The following RIMS2 variants were observed in gnomAD, a reference collection of about 807,000 sequenced individuals.
RIMS2 encodes the protein regulating synaptic membrane exocytosis 2, also known as regulating synaptic membrane exocytosis protein 2.
A neutral mutation model predicts 174.4 loss-of-function variants in RIMS2; 59 were observed. The ratio of observed to expected loss-of-function variants is 0.34; its 90% CI spans 0.27 to 0.42. The LOEUF (loss-of-function observed/expected upper bound fraction) is 0.42, where lower values mean the gene tolerates loss of function less well. Ranked by LOEUF, RIMS2 falls within the 10% of genes least tolerant of loss-of-function variation. The pLI is 1.00. For missense variants in RIMS2, 1,620 were observed against 1,666.3 expected (o/e 0.97, Z 0.48); for synonymous variants, 606 against 572.5 (o/e 1.06, Z -0.84).
Position 103,910,505 on chromosome 8 carries a change from C to G in RIMS2, c.1692+304C>G, listed in dbSNP as rs200020449. Reference sequence around the variant, plus strand: ...ATACGTGTAGTAGCACAACCCTTAACGAGGAGCATAGCCATAGTGATAAGG... The same window carrying G: ...ATACGTGTAGTAGCACAACCCTTAAGGAGGAGCATAGCCATAGTGATAAGG... On this transcript the variant is annotated intron_variant, in intron 5 of 23. Coordinates refer to ENST00000504942, the Ensembl canonical transcript of RIMS2. 4 of 1,594,716 alleles carry G rather than the reference C, an allele frequency of 2.5e-6. No homozygotes were observed. The Admixed American group carries it at 6.7e-5, about 27-fold the overall frequency.
At chr8:103,635,165 G>C (rs115163735) in intron 1 of RIMS2, among the ~76,000 whole-genome samples, 18,851 of 152,176 alleles carry the variant, frequency 0.12, 1,251 homozygotes, top group Middle Eastern at 0.22. Context: ...AGTAACAGTG[G>C]TCTTTGTGTT....
intron 4 of RIMS2, among the ~76,000 whole-genome samples, chr8:103,889,639 A>AT (rs150216345): frequency 1.4e-4 from 21 of 150,806 alleles, no homozygotes; most frequent in African/African-American, 4.1e-4. Context: ...ACTCTACCTA[A>AT]TTTTTTTTTC....
intron 1 of RIMS2, among the ~76,000 whole-genome samples, chr8:103,609,525 G>T (rs550099906): frequency 3.3e-5 from 5 of 152,112 alleles, no homozygotes; most frequent in African/African-American, 9.7e-5. Flanking sequence ...TTGAGTTCCT[G>T]TTTGGATATG....
intron 17 of RIMS2, among the ~76,000 whole-genome samples, chr8:104,009,709 GATGTCAGCTTTAT>G (rs1216650105): frequency 1.1e-4 from 16 of 152,160 alleles, no homozygotes; most frequent in African/African-American, 3.9e-4. Context: ...TTAAATTTAA[GATGTCAGCTTTAT>G]AAAGGAAAAG....
intron 14 of RIMS2, among the ~76,000 whole-genome samples, chr8:103,947,548 A>C (rs2084103738): frequency 6.6e-6 from 1 of 152,238 alleles, no homozygotes; most frequent in South Asian, 2.1e-4. Flanking sequence ...CGCAATGATA[A>C]GTATTTGTTT....
intron 19 of RIMS2, among the ~76,000 whole-genome samples, chr8:104,034,244 C>A (rs1435376264): frequency 6.6e-6 from 1 of 152,010 alleles, no homozygotes; most frequent in Non-Finnish European, 1.5e-5. Flanking sequence ...TGTTTACTAG[C>A]AATACAAATA....
chr8:103,636,427 C>T (rs2096074847), intron 1 of RIMS2, among the ~76,000 whole-genome samples: 1 of 152,054 alleles, frequency 6.6e-6, no homozygotes, highest in Admixed American at 6.5e-5. Context: ...AGACTGAAGG[C>T]CCTGGTTGAG....
chr8:103,872,483 G>A (rs1411419456), intron 3 of RIMS2, among the ~76,000 whole-genome samples: 1 of 152,140 alleles, frequency 6.6e-6, no homozygotes, highest in Non-Finnish European at 1.5e-5. Context: ...ATAACCACAT[G>A]CTTAAATAAA....
chr8:103,658,067 T>A (rs780507424), intron 1 of RIMS2, among the ~76,000 whole-genome samples: 3 of 152,196 alleles, frequency 2.0e-5, no homozygotes, highest in African/African-American at 4.8e-5. Flanking sequence ...AGGATCAAGG[T>A]CTAATTTTTA....
At chr8:103,787,963 C>A (rs1301534423) in intron 3 of RIMS2, among the ~76,000 whole-genome samples, 1 of 152,094 alleles carries the variant, frequency 6.6e-6, no homozygotes, top group Non-Finnish European at 1.5e-5. Context: ...GGAGGCTTTG[C>A]TCATTTCTTT....
intron 1 of RIMS2, among the ~76,000 whole-genome samples, chr8:103,619,729 C>T (rs1316050011): frequency 6.6e-6 from 1 of 152,056 alleles, no homozygotes; most frequent in Non-Finnish European, 1.5e-5. Context: ...TTTCTCGCTT[C>T]CTTCACCTCT....
At chr8:104,161,199 T>C (rs2098758642) in intron 19 of RIMS2, among the ~76,000 whole-genome samples, 1 of 152,182 alleles carries the variant, frequency 6.6e-6, no homozygotes, top group African/African-American at 2.4e-5. Context: ...TATATTGTCA[T>C]TAATGTAATA....
At chr8:103,857,454 T>G (rs2154495528) in intron 3 of RIMS2, among the ~76,000 whole-genome samples, 1 of 152,240 alleles carries the variant, frequency 6.6e-6, no homozygotes, top group East Asian at 1.9e-4. Context: ...ATATTTAATA[T>G]TGTATTTATT....
intron 1 of RIMS2, among the ~76,000 whole-genome samples, chr8:103,550,976 A>AT (rs1316448239): frequency 6.6e-6 from 1 of 152,184 alleles, no homozygotes; most frequent in Non-Finnish European, 1.5e-5. Flanking sequence ...TGACCAAAAA[A>AT]GTCCAGGACC....
chr8:103,702,405 G>A lies in RIMS2; in HGVS notation c.387+5109G>A, dbSNP rs117641499. Reference sequence around the variant, plus strand: ...GGGCTGTCTCTTCACTCTGTTGATTGTTTCTTTTGCTGAGCATGATCTTTT... The same window carrying A: ...GGGCTGTCTCTTCACTCTGTTGATTATTTCTTTTGCTGAGCATGATCTTTT... On this transcript the variant is annotated intron_variant, in intron 2 of 23. Transcript: ENST00000504942. Among the ~76,000 whole-genome samples the A allele has an allele frequency of 4.6e-3, 698 of 152,048 alleles. 3 individuals are homozygous for A. The highest frequency in any genetic ancestry group is 0.01 in the Middle Eastern group (3 of 294).
chr8:103,882,805 T>C (rs563331742), intron 3 of RIMS2, among the ~76,000 whole-genome samples: 9 of 151,788 alleles, frequency 5.9e-5, no homozygotes, highest in Admixed American at 2.0e-4. Flanking sequence ...AGGAAGTAAA[T>C]ATTCTTATTT....
chr8:104,044,011 C>T (rs902205191), intron 19 of RIMS2, among the ~76,000 whole-genome samples: 1 of 151,490 alleles, frequency 6.6e-6, no homozygotes. Context: ...ATGCTGATAC[C>T]GTTTCTGGGA....
At chr8:103,633,905 A>G (rs1216004139) in intron 1 of RIMS2, among the ~76,000 whole-genome samples, 1 of 152,076 alleles carries the variant, frequency 6.6e-6, no homozygotes, top group East Asian at 1.9e-4. Context: ...AATTGTTTTT[A>G]TTTGGATGTT....
intron 17 of RIMS2, among the ~76,000 whole-genome samples, chr8:104,007,253 T>C (rs1425369531): frequency 1.3e-5 from 2 of 152,202 alleles, no homozygotes; most frequent in African/African-American, 2.4e-5. Flanking sequence ...CCTTCTTCTC[T>C]ATTTCCACCC....
Sources: allele counts gnomAD v4.1 joint callset (sites outside exome capture counted in the v4.1 genomes callset), GRCh38; gene constraint gnomAD v4.1.1; transcripts MANE v1.5; gene names NCBI Gene and HGNC (gene_info 2026-07-23, HGNC 2026-07-21).